The following AP4E1 variants were observed in gnomAD, a reference collection of about 807,000 sequenced individuals.
AP4E1 encodes the protein adaptor related protein complex 4 subunit epsilon 1.
AP4E1 carries 56 observed loss-of-function variants against 128.2 expected under a neutral mutation model. The ratio of observed to expected loss-of-function variants is 0.44; its 90% CI spans 0.35 to 0.55. The LOEUF (loss-of-function observed/expected upper bound fraction) is 0.55. Among genes scored for constraint, AP4E1 ranks in the 20% least tolerant of loss-of-function variants. The pLI is 0.00. For synonymous variants in AP4E1, 484 were observed against 473.1 expected (o/e 1.02, Z -0.30); for missense variants, 1,324 against 1,307.7 (o/e 1.01, Z -0.19).
chr15:50,923,839 TC>T (rs1670120635), intron 3 of AP4E1, 91 bp from the exon 4 acceptor site: 1 of 898,316 alleles, frequency 1.1e-6, no homozygotes, highest in Non-Finnish European at 1.8e-6. Context: ...GTAACTGGTA[TC>T]TTTGATACTT....
At chr15:50,935,935 G>A (rs2141166754) in intron 8 of AP4E1, among the ~76,000 whole-genome samples, 1 of 152,300 alleles carries the variant, frequency 6.6e-6, no homozygotes, top group African/African-American at 2.4e-5. Flanking sequence ...TGGTAATTAA[G>A]GTAATAAGGA....
In AP4E1 at chr15:50,962,004, A is replaced by AAAAT. The variant is rs540050363; in HGVS notation, c.1851+3224_1851+3227dup. Among the ~76,000 whole-genome samples, 115 of 146,742 alleles carry AAAAT rather than the reference A, an allele frequency of 7.8e-4. 1 individual carries two copies. Among genetic ancestry groups the AAAAT allele is most frequent in the Admixed American group, 4.4e-3 (64 of 14,620 alleles). On this transcript the variant is annotated intron_variant, in intron 14 of 20. Coordinates refer to ENST00000261842, the MANE Select transcript of AP4E1 (RefSeq NM_007347.5). ...AAGTAATGCCATTTACAACAGCTACAAAATAAATAAATAAATACAATACAA... is the reference window on the plus strand; with the variant it reads ...AAGTAATGCCATTTACAACAGCTACAAAATAAATAAATAAATAAATACAATACAA...
At chr15:50,914,511 C>T (rs1187076289) in intron 2 of AP4E1, among the ~76,000 whole-genome samples, 6 of 151,794 alleles carry the variant, frequency 4.0e-5, no homozygotes, top group Admixed American at 6.6e-5. Flanking sequence ...ATTAGATGGG[C>T]GTGGTGGCGT....
chr15:50,931,464 G>A (rs1439521847), intron 7 of AP4E1, among the ~76,000 whole-genome samples: 2 of 152,136 alleles, frequency 1.3e-5, no homozygotes, highest in Non-Finnish European at 2.9e-5. Flanking sequence ...TACTCGGGAG[G>A]CTGAGGTAGG....
intron 6 of AP4E1, 107 bp from the exon 7 acceptor site, chr15:50,930,698 C>A: frequency 9.0e-7 from 1 of 1,110,160 alleles, no homozygotes; most frequent in Non-Finnish European, 1.3e-6. Context: ...TAAATGTGAA[C>A]ATAAACTTAA....
At chr15:50,989,070 T>C (rs908769872) in intron 16 of AP4E1, among the ~76,000 whole-genome samples, 3 of 152,218 alleles carry the variant, frequency 2.0e-5, no homozygotes, top group African/African-American at 7.2e-5. Flanking sequence ...TAATAATGAT[T>C]GTCATTACCA....
rs1480455669 is a variant in AP4E1, at chr15:50,950,091, T to C, written c.1470T>C (p.Tyr490=). 6.2e-7 allele frequency: 1 copy of C among 1,613,334 alleles called. No individual in the cohort carries two copies. The change falls in exon 13 of 21, where the codon TAT becomes TAC. Residue 490 remains tyrosine (Y), a synonymous_variant. Coordinates refer to ENST00000261842, the MANE Select transcript of AP4E1 (RefSeq NM_007347.5). The stretch of plus-strand genomic sequence containing the variant: ...CAGAAGATCAGCAATTAAGACTCTA[T>C]GCAGTTCAGTCTTATCTCACTTTAC... ...DETEDQQLRL[Y]AVQSYLTLLD...
rs1266060192 is a variant in AP4E1, at chr15:51,003,466, G to C, written c.*804G>C. ...TTAGTTATGACAAATATTTTAGTTG[G>C]TTACTACTTAGGTCCTTTTGGCAAA... On this transcript the variant is annotated 3_prime_UTR_variant, in exon 21 of 21. Coordinates refer to ENST00000261842, the MANE Select transcript of AP4E1 (RefSeq NM_007347.5). 6.6e-6 allele frequency: 1 copy of C among 152,196 alleles called. No homozygotes were observed. The highest frequency in any genetic ancestry group is 1.5e-5 in the Non-Finnish European group (1 of 68,030). 9.4% of individuals were successfully genotyped at this position (152,196 alleles called of 1,614,324 possible). A position where few individuals can be genotyped will look rare whatever the true frequency, so the allele number is the denominator to read the frequency against.
In AP4E1 at chr15:50,941,783, G is replaced by C. The variant is rs1178740894; in HGVS notation, c.1176+8G>C. On this transcript the variant is annotated splice_region_variant and intron_variant, in intron 10 of 20. Coordinates refer to ENST00000261842, the MANE Select transcript of AP4E1 (RefSeq NM_007347.5). ...CCCATTATTAAAAGAGAGGTAAACTGGTATTTTGAATAGTATATGTGAAGT... is the reference window on the plus strand; with the variant it reads ...CCCATTATTAAAAGAGAGGTAAACTCGTATTTTGAATAGTATATGTGAAGT... The C allele has an allele frequency of 6.3e-7, 1 of 1,594,500 alleles. No homozygotes were observed. The highest frequency in any genetic ancestry group is 8.6e-7 in the Non-Finnish European group (1 of 1,162,808).
chr15:50,944,213 T>A (rs2064025823), intron 10 of AP4E1, among the ~76,000 whole-genome samples: 1 of 152,184 alleles, frequency 6.6e-6, no homozygotes. Context: ...CTAACCTCTA[T>A]CAAATGATAC....
At chr15:50,986,230 A>C (rs1034502216) in intron 16 of AP4E1, among the ~76,000 whole-genome samples, 1 of 152,136 alleles carries the variant, frequency 6.6e-6, no homozygotes, top group Non-Finnish European at 1.5e-5. Flanking sequence ...GGTTTTCTAG[A>C]TATACAATCA....
chr15:51,001,028 C>A lies in AP4E1; in HGVS notation c.3098C>A (p.Pro1033Gln). ...CTAATTTTAAAAATTATTTTCAGAC[C>A]ATTAAAAATCTCAAGTGACGACTTT... is the stretch of plus-strand genomic sequence containing the variant. ...VNLSLLDFIR[P>Q]LKISSDDFGK... is the part of the protein sequence containing the mutation. Residue 1033 changes from proline (P) to glutamine (Q), a missense_variant and splice_region_variant, in exon 20 of 21, where the codon CCA (proline) becomes CAA (glutamine). By Grantham distance (76) the Pro-to-Gln change is moderately conservative. Transcript: ENST00000261842. 3 of 1,608,338 alleles carry A rather than the reference C, an allele frequency of 1.9e-6. No individual in the cohort carries two copies. Among genetic ancestry groups the A allele is most frequent in the Non-Finnish European group, 2.6e-6 (3 of 1,175,590 alleles).
rs541212126 is a variant in AP4E1, at chr15:51,001,451, A to G, written c.3253+268A>G. Among the ~76,000 whole-genome samples, 8 of 152,316 alleles carry G rather than the reference A, an allele frequency of 5.3e-5. No individual in the cohort carries two copies. The East Asian group carries it at 1.3e-3, about 26-fold the overall frequency. ...TGTTGTGCAACTGTCACCATCATCT[A>G]TCTTCAGAACTTTTTTATCCTCCTC... On this transcript the variant is annotated intron_variant, in intron 20 of 20. Coordinates refer to ENST00000261842, the MANE Select transcript of AP4E1 (RefSeq NM_007347.5).
At chr15:50,919,233 A>T (rs945129529) in intron 3 of AP4E1, among the ~76,000 whole-genome samples, 3 of 146,936 alleles carry the variant, frequency 2.0e-5, no homozygotes, top group African/African-American at 7.6e-5. Flanking sequence ...CTGTCTCAAA[A>T]AAATAAATAA....
chr15:50,995,536 C>T (rs562395241), intron 17 of AP4E1, among the ~76,000 whole-genome samples: 71 of 151,928 alleles, frequency 4.7e-4, no homozygotes, highest in African/African-American at 1.6e-3. Context: ...CAGGCATGTG[C>T]CACCACGCCG....
At chr15:50,909,440 C>T (rs74015232) in intron 1 of AP4E1, among the ~76,000 whole-genome samples, 3,520 of 152,242 alleles carry the variant, frequency 0.023, 157 homozygotes, top group African/African-American at 0.08. Flanking sequence ...TGTTGAATAT[C>T]TTTGGGGAGC....
intron 14 of AP4E1, among the ~76,000 whole-genome samples, chr15:50,966,447 A>G (rs1201205673): frequency 1.3e-5 from 2 of 151,512 alleles, no homozygotes; most frequent in East Asian, 1.9e-4. Context: ...TACACACAGT[A>G]TTATATTAGG....
chr15:50,984,579 T>G (rs1222449564), intron 16 of AP4E1, among the ~76,000 whole-genome samples: 1 of 151,690 alleles, frequency 6.6e-6, no homozygotes, highest in Non-Finnish European at 1.5e-5. Flanking sequence ...GTCCTTGCGA[T>G]AGTTTGCTGA....
chr15:50,991,095 A>T (rs2064800395), intron 16 of AP4E1, among the ~76,000 whole-genome samples: 1 of 152,218 alleles, frequency 6.6e-6, no homozygotes, highest in South Asian at 2.1e-4. Context: ...ACTTCCATTC[A>T]TCCATCACTG....
Sources: allele counts gnomAD v4.1 joint callset (sites outside exome capture counted in the v4.1 genomes callset), GRCh38; gene constraint gnomAD v4.1.1; transcripts MANE v1.5; gene names NCBI Gene and HGNC (gene_info 2026-07-23, HGNC 2026-07-21).